Variants in EFCC1 observed in about 807,000 individuals in gnomAD.
EFCC1 encodes EF-hand and coiled-coil domain containing 1.
Under a neutral mutation model 52.1 loss-of-function variants are expected in EFCC1, and 50 were observed. The ratio of observed to expected loss-of-function variants is 0.96; its 90% CI spans 0.76 to 1.21. The LOEUF is 1.21. Among genes scored for constraint, EFCC1 ranks in the 50% most tolerant of loss-of-function variants. The pLI is 0.00. For synonymous variants in EFCC1, 399 were observed against 396.5 expected (o/e 1.01, Z -0.08); for missense variants, 837 against 867.3 (o/e 0.97, Z 0.44).
intron 2 of EFCC1, among the ~76,000 whole-genome samples, chr3:129,025,693 G>A (rs1946074426): frequency 6.6e-6 from 1 of 152,212 alleles, no homozygotes; most frequent in Non-Finnish European, 1.5e-5. Context: ...ATCCAGCAGA[G>A]AGAGGGGCAA....
rs548355367 is a variant in EFCC1 at position 129,008,840 on chromosome 3, G to C, written c.980+4763G>C. Among the ~76,000 whole-genome samples the C allele has an allele frequency of 6.6e-5, 10 of 152,258 alleles. No homozygotes were observed. In the South Asian group the frequency reaches 1.7e-3, roughly 25 times the overall value. On this transcript the variant is annotated intron_variant, in intron 2 of 7. Transcript: ENST00000683648. ...TGCACAGTCCTCCTAAGAGGCTCCT[G>C]GTCCCCTCGCAGCCACATCAGCCTC... is the stretch of plus-strand genomic sequence containing the variant.
chr3:129,021,030 GA>G (rs1057047560), intron 2 of EFCC1, among the ~76,000 whole-genome samples: 2 of 152,208 alleles, frequency 1.3e-5, no homozygotes, highest in African/African-American at 4.8e-5. Flanking sequence ...TCTCCCCCAG[GA>G]CTTTCTGGAA....
intron 2 of EFCC1, among the ~76,000 whole-genome samples, chr3:129,023,822 A>G (rs1443752369): frequency 6.6e-6 from 1 of 152,214 alleles, no homozygotes; most frequent in African/African-American, 2.4e-5. Context: ...TCTGAGGTGC[A>G]CAGAGGGCTT....
At position 129,001,608 on chromosome 3, in the gene EFCC1, A is replaced by AGCGAGGC. The variant is rs1944752457; in HGVS notation, c.-17_-11dup. 7.4e-7 allele frequency: 1 copy of AGCGAGGC among 1,355,236 alleles called. No homozygotes were observed. The allele number at this position is 1,355,236 out of a possible 1,614,324, so 84.0% of individuals were successfully genotyped here. A position where few individuals can be genotyped will look rare whatever the true frequency, so the allele number is the denominator to read the frequency against. On this transcript the variant is annotated 5_prime_UTR_variant, in exon 1 of 8. Transcript: ENST00000683648. ...AAGGGACCGGAGGAGGGACCGGAGG[A>AGCGAGGC]GCGAGGCGCGCGGCGCAGCGATGGA...
intron 3 of EFCC1, among the ~76,000 whole-genome samples, chr3:129,031,201 G>A (rs1341240731): frequency 3.3e-5 from 5 of 152,198 alleles, no homozygotes; most frequent in East Asian, 3.8e-4. Flanking sequence ...AGGCTGAGGC[G>A]GGTAGACTGC....
At chr3:129,038,148 C>T (rs1946379930) in intron 6 of EFCC1, among the ~76,000 whole-genome samples, 1 of 152,126 alleles carries the variant, frequency 6.6e-6, no homozygotes, top group Non-Finnish European at 1.5e-5. Context: ...GAGGTTCCAT[C>T]CAGTGCAGCA....
Position 129,038,899 on chromosome 3 carries a change from C to A in EFCC1, c.1662C>A (p.His554Gln), listed in dbSNP as rs138572817. Residue 554 changes from histidine to glutamine, a missense_variant and splice_region_variant, in exon 7 of 8, where the codon CAC becomes CAA. Transcript: ENST00000683648. ...TGGACGCTTTCAGGGACCCCACCCA[C>A]GGTAGGAGAGCACCCTAGTCTCTCA... is the stretch of plus-strand genomic sequence containing the variant. The part of the protein sequence containing the change: ...STLDAFRDPT[H>Q]EGRPSPAAIL... The A allele has an allele frequency of 6.2e-7, 1 of 1,613,666 alleles. No homozygotes were observed. Among genetic ancestry groups the A allele is most frequent in the Admixed American group, 1.7e-5 (1 of 60,008 alleles).
intron 2 of EFCC1, among the ~76,000 whole-genome samples, chr3:129,027,006 T>C (rs1372382378): frequency 6.6e-6 from 1 of 152,176 alleles, no homozygotes; most frequent in East Asian, 1.9e-4. Flanking sequence ...CTAAGGGTCC[T>C]GTTTCTTTTG....
At chr3:129,017,037 T>C (rs1001342385) in intron 2 of EFCC1, among the ~76,000 whole-genome samples, 5 of 152,230 alleles carry the variant, frequency 3.3e-5, no homozygotes, top group Non-Finnish European at 7.3e-5. Flanking sequence ...GCTTGTCATT[T>C]TGGCCTGTCA....
chr3:129,028,242 C>G (rs1336306998), intron 2 of EFCC1, among the ~76,000 whole-genome samples: 3 of 152,008 alleles, frequency 2.0e-5, no homozygotes, highest in Non-Finnish European at 2.9e-5. Context: ...CGCCACCACA[C>G]CCAGCTAATT....
chr3:129,033,102 C>T, intron 4 of EFCC1, 136 bp downstream of exon 4: 1 of 1,299,086 alleles, frequency 7.7e-7, no homozygotes, highest in South Asian at 1.7e-5. Context: ...CCCCTTGTCC[C>T]TCAGGGGGAG....
At chr3:129,003,390 G>A in intron 1 of EFCC1, 1 of 657,156 alleles carries the variant, frequency 1.5e-6, no homozygotes, top group Non-Finnish European at 1.9e-6. Context: ...TAGTGAGCAG[G>A]CACGGGGAGG....
At chr3:129,031,582 T>C (rs1042846948) in intron 3 of EFCC1, among the ~76,000 whole-genome samples, 2 of 152,178 alleles carry the variant, frequency 1.3e-5, no homozygotes, top group Admixed American at 6.5e-5. Flanking sequence ...TGTCTCCCAG[T>C]GTCAGATCAT....
chr3:129,015,629 T>G (rs1945545328), intron 2 of EFCC1, among the ~76,000 whole-genome samples: 1 of 151,218 alleles, frequency 6.6e-6, no homozygotes, highest in African/African-American at 2.4e-5. Flanking sequence ...CACACTCCTG[T>G]TGCACCCTTC....
Position 129,001,934 on chromosome 3 carries a change from C to G in EFCC1, c.306C>G (p.Asp102Glu). 6.5e-7 allele frequency: 1 copy of G among 1,540,934 alleles called. No individual in the cohort carries two copies. The highest frequency in any genetic ancestry group is 8.8e-7 in the Non-Finnish European group (1 of 1,142,156). ...GATTAGQAAG[D>E]GNSRDVTPGD... is the part of the protein sequence containing the mutation. ...CCACGGCCGGGCAGGCAGCAGGTGA[C>G]GGGAACTCCAGAGATGTGACCCCCG... Residue 102 changes from aspartate to glutamate, a missense_variant, in exon 1 of 8, where the codon GAC becomes GAG. Asp to Glu is a conservative substitution (Grantham distance 45). Transcript: ENST00000683648.
intron 4 of EFCC1, among the ~76,000 whole-genome samples, chr3:129,033,711 C>T (rs1040697555): frequency 2.0e-5 from 3 of 152,206 alleles, no homozygotes; most frequent in East Asian, 1.9e-4. Context: ...AGACAGTGGC[C>T]TCTTCTTCTG....
intron 2 of EFCC1, among the ~76,000 whole-genome samples, chr3:129,019,060 C>T (rs1034718556): frequency 7.9e-5 from 12 of 152,180 alleles, no homozygotes; most frequent in African/African-American, 2.9e-4. Flanking sequence ...AGAACTGTCC[C>T]AGGAGAGGGG....
At chr3:129,015,732 C>T (rs951791980) in intron 2 of EFCC1, among the ~76,000 whole-genome samples, 3 of 151,660 alleles carry the variant, frequency 2.0e-5, no homozygotes, top group African/African-American at 4.8e-5. Context: ...AGGACTGTCC[C>T]CCCACCCCTT....
intron 2 of EFCC1, among the ~76,000 whole-genome samples, chr3:129,005,376 G>A (rs1458023797): frequency 6.6e-6 from 1 of 152,242 alleles, no homozygotes; most frequent in African/African-American, 2.4e-5. Flanking sequence ...AGGGCAGAAG[G>A]GACCATTCAA....
Sources: allele counts gnomAD v4.1 joint callset (sites outside exome capture counted in the v4.1 genomes callset), GRCh38; gene constraint gnomAD v4.1.1; transcripts MANE v1.5; gene names NCBI Gene and HGNC (gene_info 2026-07-23, HGNC 2026-07-21).